WRN: variants seen among roughly 807,000 people sequenced by gnomAD.
WRN encodes the protein WRN RecQ like helicase, also known as bifunctional 3'-5' exonuclease/ATP-dependent helicase WRN.
A neutral mutation model predicts 180.7 loss-of-function variants in WRN; 149 were observed. That is an observed-to-expected ratio of 0.82 (90% confidence interval 0.72 to 0.94). WRN has a LOEUF of 0.94. Ranked by LOEUF, WRN falls within the 40% of genes least tolerant of loss-of-function variation. The probability of loss-of-function intolerance (pLI) is 0.00; values close to 1 mark genes in which losing one functional copy is unlikely to be tolerated. For synonymous variants in WRN, 548 were observed against 568.9 expected (o/e 0.96, Z 0.52); for missense variants, 1,661 against 1,700.1 (o/e 0.98, Z 0.40).
chr8:31,039,522 C>A (rs1421183231), intron 1 of WRN, among the ~76,000 whole-genome samples: 1 of 152,030 alleles, frequency 6.6e-6, no homozygotes, highest in Non-Finnish European at 1.5e-5. Context: ...TTCTTCCTTT[C>A]CATTATGGAT....
chr8:31,158,225 G>A (rs946917978), intron 33 of WRN, among the ~76,000 whole-genome samples: 3 of 151,926 alleles, frequency 2.0e-5, no homozygotes, highest in Middle Eastern at 6.8e-3. Flanking sequence ...CATTGGTTTC[G>A]CTTGAGTAGC....
At chr8:31,073,032 G>A (rs935359718) in intron 7 of WRN, among the ~76,000 whole-genome samples, 2 of 152,172 alleles carry the variant, frequency 1.3e-5, no homozygotes, top group African/African-American at 4.8e-5. Context: ...GTAGGGCCTC[G>A]TAGGCTGTGA....
At chr8:31,073,544 A>G (rs562522464) in intron 7 of WRN, among the ~76,000 whole-genome samples, 11,703 of 152,240 alleles carry the variant, frequency 0.077, 509 homozygotes, top group African/African-American at 0.13. Context: ...TTTGGGATCA[A>G]TTTGGGAAAT....
At chr8:31,149,394 C>T (rs1271569702) in intron 30 of WRN, among the ~76,000 whole-genome samples, 1 of 137,082 alleles carries the variant, frequency 7.3e-6, no homozygotes, top group East Asian at 2.1e-4. Flanking sequence ...GAGACTCCGT[C>T]TAAAAAAAAA....
intron 8 of WRN, among the ~76,000 whole-genome samples, chr8:31,079,718 A>AT (rs1401675618): frequency 6.6e-6 from 1 of 152,156 alleles, no homozygotes; most frequent in African/African-American, 2.4e-5. Context: ...TGGCAAATTG[A>AT]TTTTTTCTGT....
chr8:31,175,574 T>G lies in WRN; in HGVS notation c.*2472T>G, dbSNP rs1490564075. On this transcript the variant is annotated 3_prime_UTR_variant, in exon 35 of 35. Transcript: ENST00000298139. Reference sequence around the variant, plus strand: ...TCAGATTACACACTGCAACTAATCTTTAAGAAACTATTACTTGTCCACTTT... The same window carrying G: ...TCAGATTACACACTGCAACTAATCTGTAAGAAACTATTACTTGTCCACTTT... Among the ~76,000 whole-genome samples, 1 of 152,240 alleles carries G rather than the reference T, an allele frequency of 6.6e-6. No homozygotes were observed. The highest frequency in any genetic ancestry group is 1.5e-5 in the Non-Finnish European group (1 of 68,050).
chr8:31,133,437 A>G (rs998544577), intron 24 of WRN, among the ~76,000 whole-genome samples: 3 of 152,150 alleles, frequency 2.0e-5, no homozygotes, highest in African/African-American at 7.2e-5. Flanking sequence ...AGGCAGGAGA[A>G]TGGCGTGAAC....
rs373507089 is a variant in WRN at position 31,147,142 on chromosome 8, A to G, written c.3459+14A>G. ...CAGGAGACTCAGGTAAGGCTTTTGT[A>G]AAAAGGTAATTAGTTTATGATAGGA... On this transcript the variant is annotated intron_variant, in intron 29 of 34. Transcript: ENST00000298139. 1.5e-5 allele frequency: 24 copies of G among 1,611,998 alleles called. No homozygotes were observed. Among genetic ancestry groups the G allele is most frequent in the Middle Eastern group, 3.3e-4 (2 of 6,048 alleles).
chr8:31,136,829 C>G (rs1802416065), intron 24 of WRN, among the ~76,000 whole-genome samples: 1 of 138,764 alleles, frequency 7.2e-6, no homozygotes. Context: ...AGAGCAATAC[C>G]CTGTCTCGAA....
At position 31,175,787 on chromosome 8, in the gene WRN, A is replaced by G. The variant is rs1804256729; in HGVS notation, c.*2685A>G. On this transcript the variant is annotated 3_prime_UTR_variant, in exon 35 of 35. Transcript: ENST00000298139. Reference sequence around the variant, plus strand: ...ACAGCCACTTTTGTTAAGCCAGACAATGAGATTTGCAAAATGTAAACAATG... The same window carrying G: ...ACAGCCACTTTTGTTAAGCCAGACAGTGAGATTTGCAAAATGTAAACAATG... Among the ~76,000 whole-genome samples, 1 of 152,254 alleles carries G rather than the reference A, an allele frequency of 6.6e-6. No homozygotes were observed. Among genetic ancestry groups the G allele is most frequent in the Non-Finnish European group, 1.5e-5 (1 of 68,048 alleles).
At position 31,173,507 on chromosome 8, in the gene WRN, T is replaced by C. The variant is rs1804177832; in HGVS notation, c.*405T>C. Reference sequence around the variant, plus strand: ...TATTATCAAAATTCTGTTTTGTAAATGTAAGAAAGCATAGTTATTTTACAA... The same window carrying C: ...TATTATCAAAATTCTGTTTTGTAAACGTAAGAAAGCATAGTTATTTTACAA... On this transcript the variant is annotated 3_prime_UTR_variant, in exon 35 of 35. Coordinates refer to ENST00000298139, the MANE Select transcript of WRN (RefSeq NM_000553.6). 5.2e-6 allele frequency: 1 copy of C among 192,592 alleles called. No individual in the cohort carries two copies. The highest frequency in any genetic ancestry group is 2.3e-5 in the African/African-American group (1 of 42,718). The allele number at this position is 192,592 out of a possible 1,614,324, so 11.9% of individuals were successfully genotyped here. A position where few individuals can be genotyped will look rare whatever the true frequency, so the allele number is the denominator to read the frequency against.
intron 7 of WRN, among the ~76,000 whole-genome samples, chr8:31,071,045 GAAAA>G (rs3056744): frequency 8.5e-6 from 1 of 117,792 alleles, no homozygotes; most frequent in Non-Finnish European, 1.7e-5. Context: ...CTCTGTCTCA[GAAAA>G]AAAAAAAAAA....
chr8:31,070,041 C>G (rs974456225), intron 7 of WRN, among the ~76,000 whole-genome samples: 5 of 152,032 alleles, frequency 3.3e-5, no homozygotes, highest in Admixed American at 2.6e-4. Context: ...TTGACCTTCA[C>G]TTTTTTTCCC....
intron 34 of WRN, among the ~76,000 whole-genome samples, chr8:31,172,512 A>C (rs937912448): frequency 6.6e-6 from 1 of 152,184 alleles, no homozygotes; most frequent in African/African-American, 2.4e-5. Flanking sequence ...TGTTAAGCGT[A>C]CTATGCCTTG....
chr8:31,061,929 G>A (rs548673458), intron 3 of WRN, among the ~76,000 whole-genome samples: 88 of 152,220 alleles, frequency 5.8e-4, no homozygotes, highest in African/African-American at 2.0e-3. Context: ...GTCCCTTAGG[G>A]AGATTTCTGG....
chr8:31,142,693 GAGA>G lies in WRN; in HGVS notation c.3307_3309del (p.Lys1103del), dbSNP rs935598563. 1.7e-5 allele frequency: 28 copies of G among 1,602,572 alleles called. No individual in the cohort carries two copies. The highest frequency in any genetic ancestry group is 2.2e-5 in the Non-Finnish European group (26 of 1,174,264). ...TCAAGTACCAGTTGAATTAAGTACA[GAGA>G]AGAAGGTTTGTTTTAAAGAAATTGT... On this transcript the variant is annotated inframe_deletion, in exon 27 of 35. Transcript: ENST00000298139.
chr8:31,175,090 C>T lies in WRN; in HGVS notation c.*1988C>T, dbSNP rs536976569. 8.6e-5 allele frequency among the ~76,000 whole-genome samples: 13 copies of T among 151,908 alleles called. No individual in the cohort carries two copies. The highest frequency in any genetic ancestry group is 2.9e-4 in the African/African-American group (12 of 41,430). ...AGATTTTTTCTGTGTTTCGAAGATC[C>T]GTATAACTCAGTGAATCAGTATGTT... On this transcript the variant is annotated 3_prime_UTR_variant, in exon 35 of 35. Transcript: ENST00000298139.
chr8:31,154,262 G>GTTCA (rs747513479), intron 31 of WRN, among the ~76,000 whole-genome samples: 143 of 151,996 alleles, frequency 9.4e-4, no homozygotes, highest in Non-Finnish European at 1.5e-3. Context: ...TAGTGATTCT[G>GTTCA]TTCATTCATT....
intron 8 of WRN, among the ~76,000 whole-genome samples, chr8:31,079,814 G>T (rs184572494): frequency 3.9e-5 from 6 of 152,116 alleles, no homozygotes; most frequent in Non-Finnish European, 7.4e-5. Flanking sequence ...ACTTGTTGCA[G>T]TTGAGACTAG....
Sources: allele counts gnomAD v4.1 joint callset (sites outside exome capture counted in the v4.1 genomes callset), GRCh38; gene constraint gnomAD v4.1.1; transcripts MANE v1.5; gene names NCBI Gene and HGNC (gene_info 2026-07-23, HGNC 2026-07-21).